Variants in TASOR observed in about 807,000 individuals in gnomAD.
TASOR encodes the protein transcription activation suppressor, also known as protein TASOR.
A neutral mutation model predicts 178.6 loss-of-function variants in TASOR; 53 were observed. That is an observed-to-expected ratio of 0.30 (90% CI 0.24 to 0.37). TASOR has a LOEUF of 0.37. TASOR is among the 10% of genes least tolerant of loss of function. The pLI is 1.00. For missense variants in TASOR, 1,815 were observed against 1,971.4 expected (o/e 0.92, Z 1.50); for synonymous variants, 713 against 696.2 (o/e 1.02, Z -0.38).
At chr3:56,677,008 G>A (rs1331564141) in intron 1 of TASOR, among the ~76,000 whole-genome samples, 1 of 152,184 alleles carries the variant, frequency 6.6e-6, no homozygotes. Context: ...TTTTTCTGGT[G>A]ATAATTTCTA....
At chr3:56,623,946 T>A (rs1280994949) in intron 23 of TASOR, 6 of 856,184 alleles carry the variant, frequency 7.0e-6, no homozygotes, top group Middle Eastern at 2.5e-4. Context: ...TAGCACTAAA[T>A]GAATGATCAT....
rs552371444 is a variant in TASOR, at chr3:56,682,568, A to G, written c.331+108T>C. The G allele has an allele frequency of 4.1e-5, 43 of 1,036,780 alleles. 1 individual carries two copies. The South Asian group carries it at 1.1e-3, about 26-fold the overall frequency. The allele number at this position is 1,036,780 out of a possible 1,614,324, so 64.2% of individuals were successfully genotyped here. ...TGAGGGGAGAGGCGGCCGGCGCTGC[A>G]TGCGTGTTTACGTATCTCGGATGGG... On this transcript the variant is annotated intron_variant, in intron 1 of 23. Coordinates refer to ENST00000683822, the MANE Select transcript of TASOR (RefSeq NM_001365635.2).
chr3:56,654,729 CCTGT>C (rs2077433115), intron 11 of TASOR, among the ~76,000 whole-genome samples: 3 of 152,172 alleles, frequency 2.0e-5, no homozygotes, highest in African/African-American at 7.2e-5. Flanking sequence ...AAGAATTCCT[CCTGT>C]CTGTCTTCCA....
intron 17 of TASOR, among the ~76,000 whole-genome samples, chr3:56,636,396 TG>T (rs1216862510): frequency 3.1e-4 from 43 of 137,724 alleles, no homozygotes; most frequent in African/African-American, 1.1e-3. Context: ...TTGTTGGTGG[TG>T]GTGGTGGTGT....
Position 56,680,391 on chromosome 3 carries a change from T to C in TASOR, c.331+2285A>G, listed in dbSNP as rs139712388. ...CAATTACAATGGCAGTTATTTTGGATGTCACACTACTGGGAAGACCAAAAA... is the reference window on the plus strand; with the variant it reads ...CAATTACAATGGCAGTTATTTTGGACGTCACACTACTGGGAAGACCAAAAA... On this transcript the variant is annotated intron_variant, in intron 1 of 23. Transcript: ENST00000683822. Among the ~76,000 whole-genome samples, 43 of 152,310 alleles carry C rather than the reference T, an allele frequency of 2.8e-4. 1 individual carries two copies. In the East Asian group the frequency reaches 6.9e-3, roughly 25 times the overall value.
intron 1 of TASOR, 107 bp from the exon 2 acceptor site, chr3:56,673,832 C>T: frequency 1.1e-6 from 1 of 927,640 alleles, no homozygotes; most frequent in Non-Finnish European, 1.6e-6. Context: ...TGAAAAAAGG[C>T]ATCAAGGCTA....
intron 23 of TASOR, among the ~76,000 whole-genome samples, chr3:56,624,277 C>T (rs2076751194): frequency 6.6e-6 from 1 of 152,152 alleles, no homozygotes; most frequent in Admixed American, 6.5e-5. Flanking sequence ...TAACTTACAA[C>T]TTACACTGGC....
At chr3:56,668,044 T>C (rs2030245700) in intron 6 of TASOR, among the ~76,000 whole-genome samples, 1 of 152,224 alleles carries the variant, frequency 6.6e-6, no homozygotes, top group Non-Finnish European at 1.5e-5. Context: ...AGTAGTATCT[T>C]ATTAGGCAAG....
rs1161945301 is a variant in TASOR, at chr3:56,668,362, GA to G, written c.897+34del. The G allele has an allele frequency of 3.9e-6, 6 of 1,540,790 alleles. No individual in the cohort carries two copies. The African/African-American group carries it at 8.3e-5, about 21-fold the overall frequency. The stretch of plus-strand genomic sequence containing the variant: ...AAAGGATTTGGTAACAAACAGGTAT[GA>G]GATCACAACATTACAACGGATCCTG... On this transcript the variant is annotated intron_variant, in intron 6 of 23. Transcript: ENST00000683822.
chr3:56,673,758 A>G (rs1009565753), intron 1 of TASOR, 33 bp from the exon 2 acceptor site: 2 of 1,497,422 alleles, frequency 1.3e-6, no homozygotes, highest in African/African-American at 2.8e-5. Flanking sequence ...TAAAATGTTT[A>G]ACATTACTCC....
At chr3:56,658,510 T>C (rs1466063762) in intron 11 of TASOR, among the ~76,000 whole-genome samples, 3 of 152,192 alleles carry the variant, frequency 2.0e-5, no homozygotes, top group Non-Finnish European at 4.4e-5. Flanking sequence ...CTTTCTGAAC[T>C]TGGGAACTGA....
Position 56,627,658 on chromosome 3 carries a change from T to C in TASOR, c.3954A>G (p.Thr1318=). ...VDSLDDVKNH[T]YNELFVSGGF... is the part of the protein sequence containing the mutation. ...CTCCAGATACAAATAATTCATTGTA[T>C]GTATGATTTTTAACATCATCCAGGC... The change falls in exon 20 of 24, where the codon ACA becomes ACG. Residue 1318 remains threonine (T), a synonymous_variant. Transcript: ENST00000683822. 2 of 1,614,096 alleles carry C rather than the reference T, an allele frequency of 1.2e-6. No individual in the cohort carries two copies. Among genetic ancestry groups the C allele is most frequent in the African/African-American group, 1.3e-5 (1 of 75,044 alleles).
chr3:56,672,147 TA>T (rs1206842513), intron 2 of TASOR, among the ~76,000 whole-genome samples: 2 of 152,198 alleles, frequency 1.3e-5, no homozygotes, highest in East Asian at 3.8e-4. Flanking sequence ...GCTCCATACA[TA>T]TTTATAGGAT....
At chr3:56,640,216 G>A (rs1020474025) in intron 15 of TASOR, 86 bp from the exon 16 acceptor site, 16 of 1,234,506 alleles carry the variant, frequency 1.3e-5, no homozygotes, top group Middle Eastern at 2.1e-4. Context: ...GAAAATTCAC[G>A]TGCTTCAATC....
At chr3:56,652,976 C>T (rs2077382696) in intron 11 of TASOR, among the ~76,000 whole-genome samples, 1 of 152,008 alleles carries the variant, frequency 6.6e-6, no homozygotes, top group African/African-American at 2.4e-5. Context: ...CCTAAAAAGA[C>T]AGGCCAGGCC....
intron 14 of TASOR, among the ~76,000 whole-genome samples, chr3:56,642,404 A>G (rs1301034380): frequency 1.3e-5 from 2 of 152,212 alleles, no homozygotes; most frequent in Non-Finnish European, 2.9e-5. Context: ...GTAACAATCA[A>G]TATATTTTAA....
intron 1 of TASOR, 42 bp from the exon 2 acceptor site, chr3:56,673,767 C>A: frequency 6.8e-7 from 1 of 1,475,192 alleles, no homozygotes; most frequent in South Asian, 1.3e-5. Context: ...TAACATTACT[C>A]CATCTTAAAT....
rs1288039909 is a variant in TASOR at position 56,623,347 on chromosome 3, G to C, written c.4703C>G (p.Ser1568Cys). 7 of 1,613,374 alleles carry C rather than the reference G, an allele frequency of 4.3e-6. No individual in the cohort carries two copies. Among genetic ancestry groups the C allele is most frequent in the Non-Finnish European group, 5.9e-6 (7 of 1,179,964 alleles). Residue 1568 changes from serine to cysteine, a missense_variant, in exon 24 of 24, where the codon TCT becomes TGT. This residue lies in a region of TASOR where 278 missense variants were observed against 257.1 expected (regional missense o/e 1.08). Transcript: ENST00000683822. ...TATATCAATAGAAGTTCTCTCTTCA[G>C]AATCAAGGTAAGTCTTATCTTCTAA... is the stretch of plus-strand genomic sequence containing the variant. ...SLLEDKTYLDSEERTSIDIVC... is the reference protein window; with the variant it reads ...SLLEDKTYLDCEERTSIDIVC...
chr3:56,678,703 T>G (rs55828519), intron 1 of TASOR, among the ~76,000 whole-genome samples: 1 of 152,030 alleles, frequency 6.6e-6, no homozygotes, highest in Non-Finnish European at 1.5e-5. Context: ...AAAAGACATA[T>G]CATTCCTATC....
Sources: gnomAD v4.1 joint callset for allele counts (sites outside exome capture counted in the v4.1 genomes callset) on GRCh38, gnomAD v4.1.1 for gene constraint, gnomAD v4.1.1 regional missense constraint, MANE v1.5 for transcripts, NCBI Gene and HGNC (gene_info 2026-07-23, HGNC 2026-07-21) for gene names.